The following CEP85L variants were observed in gnomAD, a reference collection of about 807,000 sequenced individuals.
The protein encoded by CEP85L is centrosomal protein 85L.
A neutral mutation model predicts 100.3 loss-of-function variants in CEP85L; 60 were observed. The observed-to-expected ratio is 0.60, with a 90% CI of 0.49 to 0.74. CEP85L has a LOEUF of 0.74. Ranked by LOEUF, CEP85L falls within the 30% of genes least tolerant of loss-of-function variation. The pLI is 0.00. For missense variants in CEP85L, 973 were observed against 936.2 expected, an observed-to-expected ratio of 1.04 and a Z score of -0.51; for synonymous variants, 319 against 322.7, an observed-to-expected ratio of 0.99 and a Z score of 0.12.
At chr6:118,686,036 A>G (rs1255288177) in intron 1 of CEP85L, among the ~76,000 whole-genome samples, 2 of 152,190 alleles carry the variant, frequency 1.3e-5, no homozygotes, top group East Asian at 1.9e-4. Flanking sequence ...ATTCATTCCC[A>G]AAGTGGGCCA....
intron 5 of CEP85L, among the ~76,000 whole-genome samples, chr6:118,494,506 G>A (rs1366029010): frequency 6.6e-6 from 1 of 152,114 alleles, no homozygotes; most frequent in Non-Finnish European, 1.5e-5. Context: ...CATAGAGGAG[G>A]GTTAATACAC....
intron 10 of CEP85L, among the ~76,000 whole-genome samples, chr6:118,473,462 T>C (rs1773117952): frequency 6.6e-6 from 1 of 151,974 alleles, no homozygotes; most frequent in Admixed American, 6.6e-5. Context: ...AGAGCCAGGA[T>C]GGCTGAGAAT....
At chr6:118,703,076 A>G (rs1777471884) in intron 1 of CEP85L, among the ~76,000 whole-genome samples, 1 of 152,048 alleles carries the variant, frequency 6.6e-6, no homozygotes, top group Non-Finnish European at 1.5e-5. Context: ...TGCTTTGACC[A>G]ATAGAATGCT....
chr6:118,651,830 G>T (rs2115389537), upstream of CEP85L: 1 of 985,672 alleles, frequency 1.0e-6, no homozygotes, highest in East Asian at 1.1e-4. Flanking sequence ...TGAGTAGAGG[G>T]CAGCGACTTG....
chr6:118,641,065 T>C (rs1033322746), intron 1 of CEP85L, among the ~76,000 whole-genome samples: 2 of 152,178 alleles, frequency 1.3e-5, no homozygotes, highest in African/African-American at 4.8e-5. Flanking sequence ...AAAAAAATCA[T>C]CTGACAAATA....
chr6:118,486,710 G>C (rs1487790678), intron 6 of CEP85L, among the ~76,000 whole-genome samples: 1 of 152,076 alleles, frequency 6.6e-6, no homozygotes, highest in Non-Finnish European at 1.5e-5. Context: ...TCTCTGGTAT[G>C]TACATTTCCA....
Position 118,465,695 on chromosome 6 carries a change from G to A in CEP85L, c.2255-127C>T, listed in dbSNP as rs1420733149. ...GAATACCAGTGAGGCTCAGGTTCAAGTTATGTTTAAATCATGCATCATTCA... is the reference window on the plus strand; with the variant it reads ...GAATACCAGTGAGGCTCAGGTTCAAATTATGTTTAAATCATGCATCATTCA... On this transcript the variant is annotated intron_variant, in intron 12 of 12. Coordinates refer to ENST00000368491, the MANE Select transcript of CEP85L (RefSeq NM_001042475.3). 7 of 772,136 alleles carry A rather than the reference G, an allele frequency of 9.1e-6. No homozygotes were observed. In the East Asian group the frequency reaches 1.3e-4, roughly 15 times the overall value. 47.8% of individuals were successfully genotyped at this position (772,136 alleles called of 1,614,324 possible). A position where few individuals can be genotyped will look rare whatever the true frequency, so the allele number is the denominator to read the frequency against.
At chr6:118,496,375 T>A (rs969336556) in intron 5 of CEP85L, among the ~76,000 whole-genome samples, 15 of 150,964 alleles carry the variant, frequency 9.9e-5, no homozygotes, top group Admixed American at 5.9e-4. Context: ...TATTTTATTT[T>A]ATTTTATTTT....
intron 1 of CEP85L, among the ~76,000 whole-genome samples, chr6:118,646,231 AAAAGT>A (rs1017611098): frequency 6.6e-6 from 1 of 152,220 alleles, no homozygotes; most frequent in African/African-American, 2.4e-5. Context: ...AAAAGAAAAG[AAAAGT>A]AATTTGATGT....
chr6:118,609,596 A>G (rs531229455), intron 2 of CEP85L, among the ~76,000 whole-genome samples: 85 of 152,284 alleles, frequency 5.6e-4, no homozygotes, highest in Non-Finnish European at 9.0e-4. Context: ...CTCCCTTTCA[A>G]GACCCAGTGA....
chr6:118,621,646 T>C (rs1773450871), intron 2 of CEP85L, among the ~76,000 whole-genome samples: 2 of 152,138 alleles, frequency 1.3e-5, no homozygotes, highest in Admixed American at 1.3e-4. Flanking sequence ...TAATCGAGGG[T>C]ACAAGGTATT....
chr6:118,616,564 G>C (rs146030759), intron 2 of CEP85L, among the ~76,000 whole-genome samples: 2 of 151,362 alleles, frequency 1.3e-5, no homozygotes, highest in East Asian at 3.9e-4. Context: ...GGGAGTATGG[G>C]AGGGAACCTG....
At chr6:118,516,147 T>G (rs1776263296) in intron 4 of CEP85L, among the ~76,000 whole-genome samples, 1 of 152,230 alleles carries the variant, frequency 6.6e-6, no homozygotes, top group South Asian at 2.1e-4. Context: ...CACCCAGTTG[T>G]ATCATTGATG....
intron 5 of CEP85L, among the ~76,000 whole-genome samples, chr6:118,508,073 T>C (rs1775762768): frequency 6.6e-6 from 1 of 152,172 alleles, no homozygotes; most frequent in Non-Finnish European, 1.5e-5. Context: ...CTCTGTAGGG[T>C]TTAAGTTCCA....
At chr6:118,472,708 G>A (rs892505050) in intron 10 of CEP85L, among the ~76,000 whole-genome samples, 2 of 152,038 alleles carry the variant, frequency 1.3e-5, no homozygotes, top group African/African-American at 4.8e-5. Context: ...TTTCTGAAAC[G>A]AGTGTTTGGC....
At chr6:118,494,898 T>C (rs539933938) in intron 5 of CEP85L, among the ~76,000 whole-genome samples, 4 of 151,996 alleles carry the variant, frequency 2.6e-5, no homozygotes, top group Admixed American at 6.6e-5. Context: ...ACAACTAGGA[T>C]TAGTAAGATT....
chr6:118,643,312 G>A (rs572900886), intron 1 of CEP85L, among the ~76,000 whole-genome samples: 139 of 152,244 alleles, frequency 9.1e-4, no homozygotes, highest in African/African-American at 3.3e-3. Flanking sequence ...GTCATAGCAA[G>A]GCCATATATA....
rs777845684 is a variant in CEP85L, at chr6:118,469,249, C to T, written c.2077G>A (p.Asp693Asn). 20 of 1,614,036 alleles carry T rather than the reference C, an allele frequency of 1.2e-5. No individual in the cohort carries two copies. In the South Asian group the frequency reaches 1.6e-4, roughly 13 times the overall value. The change falls in exon 12 of 13, where the codon GAC (aspartate) becomes AAC (asparagine). Residue 693 changes from aspartate to asparagine, a missense_variant. This residue lies in a region of CEP85L where 890 missense variants were observed against 844.5 expected (regional missense o/e 1.05). Transcript: ENST00000368491. ...CSLLDQGQEP[D>N]QSRQQTVLSK... ...AGAACTGTCTGCTGCCTAGATTGGT[C>T]AGGTTCCTGGCCCTGATCCAATAAA... is the stretch of plus-strand genomic sequence containing the variant.
intron 1 of CEP85L, among the ~76,000 whole-genome samples, chr6:118,642,591 A>T (rs1774947110): frequency 6.6e-6 from 1 of 152,216 alleles, no homozygotes; most frequent in Non-Finnish European, 1.5e-5. Context: ...AAAAATACCT[A>T]CATTAAAATC....
Sources: allele counts gnomAD v4.1 joint callset (sites outside exome capture counted in the v4.1 genomes callset), GRCh38; gene constraint gnomAD v4.1.1; regional missense constraint gnomAD v4.1.1; transcripts MANE v1.5; gene names NCBI Gene and HGNC (gene_info 2026-07-23, HGNC 2026-07-21).